EPHA4: variants seen among roughly 807,000 people sequenced by gnomAD.
EPHA4 encodes the protein EPH receptor A4.
In EPHA4, 19 loss-of-function variants were observed where a neutral mutation model predicts 108.3. That is an observed-to-expected ratio of 0.18 (90% CI 0.12 to 0.26). The LOEUF is 0.26. Among genes scored for constraint, EPHA4 ranks in the 10% least tolerant of loss-of-function variants. The probability of loss-of-function intolerance (pLI) is 1.00; values close to 1 mark genes in which losing one functional copy is unlikely to be tolerated. For missense variants in EPHA4, 917 were observed against 1,254.0 expected, an observed-to-expected ratio of 0.73 and a Z score of 4.06; for synonymous variants, 449 against 455.5, an observed-to-expected ratio of 0.99 and a Z score of 0.18.
In EPHA4 at chr2:221,555,542, T is replaced by C. The variant is rs1694280146; in HGVS notation, c.823+8189A>G. Among the ~76,000 whole-genome samples the C allele has an allele frequency of 2.0e-5, 3 of 152,200 alleles. No homozygotes were observed. The South Asian group carries it at 6.2e-4, about 32-fold the overall frequency. The stretch of plus-strand genomic sequence containing the variant: ...TTTCCCAGGAAAAAGAAATAGACCC[T>C]GAATATTCATAAAATGTTCATTTAG... On this transcript the variant is annotated intron_variant, in intron 3 of 17. Coordinates refer to ENST00000281821, the MANE Select transcript of EPHA4 (RefSeq NM_004438.5).
intron 3 of EPHA4, among the ~76,000 whole-genome samples, chr2:221,527,708 T>C (rs927295008): frequency 6.6e-6 from 1 of 152,344 alleles, no homozygotes; most frequent in African/African-American, 2.4e-5. Context: ...CTGGATCAGT[T>C]CTGAAGATAT....
rs548278031 is a variant in EPHA4, at chr2:221,425,525, C to CT, written c.*502dup. The CT allele has an allele frequency of 4.6e-5, 7 of 153,020 alleles. No homozygotes were observed. Among genetic ancestry groups the CT allele is most frequent in the South Asian group, 2.0e-4 (1 of 4,886 alleles). The allele number at this position is 153,020 out of a possible 1,614,324, so 9.5% of individuals were successfully genotyped here. ...TGAGCCACGTCGCTTTCTCCTAGGA[C>CT]TTTTTTTTCCCCCATGGTATGAACC... On this transcript the variant is annotated 3_prime_UTR_variant, in exon 17 of 18. Transcript: ENST00000281821.
At chr2:221,468,019 C>T (rs1355762897) in intron 5 of EPHA4, among the ~76,000 whole-genome samples, 1 of 151,992 alleles carries the variant, frequency 6.6e-6, no homozygotes, top group Non-Finnish European at 1.5e-5. Context: ...GCAACAACAA[C>T]AAAAAATAAA....
At chr2:221,471,777 T>C (rs1050567124) in intron 5 of EPHA4, among the ~76,000 whole-genome samples, 16 of 152,198 alleles carry the variant, frequency 1.1e-4, no homozygotes, top group African/African-American at 2.9e-4. Flanking sequence ...AAACACAGTG[T>C]ATGCTTCTTA....
chr2:221,488,123 A>G (rs1351885440), intron 4 of EPHA4, among the ~76,000 whole-genome samples: 1 of 152,164 alleles, frequency 6.6e-6, no homozygotes, highest in South Asian at 2.1e-4. Flanking sequence ...GCCATAGACA[A>G]TACCTTAACA....
At chr2:221,545,668 A>G (rs1378844815) in intron 3 of EPHA4, among the ~76,000 whole-genome samples, 1 of 152,144 alleles carries the variant, frequency 6.6e-6, no homozygotes, top group Non-Finnish European at 1.5e-5. Context: ...ACCATGCACC[A>G]ATAGATCAAG....
chr2:221,525,908 A>G (rs1400967137), intron 3 of EPHA4, among the ~76,000 whole-genome samples: 1 of 152,216 alleles, frequency 6.6e-6, no homozygotes, highest in Admixed American at 6.5e-5. Flanking sequence ...ACTCTCTATT[A>G]GATACTGTGT....
intron 5 of EPHA4, among the ~76,000 whole-genome samples, chr2:221,458,449 A>G (rs181859155): frequency 6.6e-4 from 100 of 152,336 alleles, no homozygotes; most frequent in Non-Finnish European, 3.2e-4. Flanking sequence ...ACAAGTCTTC[A>G]ATAAGTACTG....
At position 221,566,934 on chromosome 2, in the gene EPHA4, GAAGGA is replaced by G. The variant is rs1559297288; in HGVS notation, c.159+1779_159+1783del. ...AGAAGGAGAAGGAGAAGGAGAAGGAGAAGGAGAAGGAGAAGGAGAAGGGGAAGAGG... is the reference window on the plus strand; with the variant it reads ...AGAAGGAGAAGGAGAAGGAGAAGGAGGAAGGAGAAGGAGAAGGGGAAGAGG... On this transcript the variant is annotated intron_variant, in intron 2 of 17. Transcript: ENST00000281821. 6.8e-3 allele frequency among the ~76,000 whole-genome samples: 467 copies of G among 69,012 alleles called. 129 individuals are homozygous for G. The highest frequency in any genetic ancestry group is 0.019 in the African/African-American group (220 of 11,772). The allele number at this position is 69,012 out of a possible 152,430, so 45.3% of individuals were successfully genotyped here.
intron 1 of EPHA4, among the ~76,000 whole-genome samples, chr2:221,570,322 C>CG (rs1372002129): frequency 6.6e-6 from 1 of 150,902 alleles, no homozygotes; most frequent in Admixed American, 6.6e-5. Context: ...TTCTCCCCCC[C>CG]CCCCAAAAAA....
At chr2:221,509,584 T>C (rs1692762941) in intron 3 of EPHA4, among the ~76,000 whole-genome samples, 1 of 152,196 alleles carries the variant, frequency 6.6e-6, no homozygotes, top group South Asian at 2.1e-4. Context: ...GTAGGGGAGA[T>C]AGTAGATATG....
intron 3 of EPHA4, among the ~76,000 whole-genome samples, chr2:221,534,676 T>C (rs191664976): frequency 2.2e-4 from 34 of 152,314 alleles, no homozygotes; most frequent in Admixed American, 2.1e-3. Flanking sequence ...AACTTTTTGA[T>C]TGGTTCTTCT....
intron 3 of EPHA4, among the ~76,000 whole-genome samples, chr2:221,539,869 C>A (rs16862813): frequency 0.011 from 1,607 of 152,188 alleles, 19 homozygotes; most frequent in African/African-American, 0.03. Context: ...TTGGTACACT[C>A]ATTTATTGGC....
chr2:221,520,606 ATTATC>A (rs779345779), intron 3 of EPHA4, among the ~76,000 whole-genome samples: 10 of 151,804 alleles, frequency 6.6e-5, no homozygotes, highest in Admixed American at 4.6e-4. Flanking sequence ...GACAGTGCCT[ATTATC>A]TTATCTTAAA....
At chr2:221,492,572 T>A (rs557645247) in intron 4 of EPHA4, among the ~76,000 whole-genome samples, 1 of 152,320 alleles carries the variant, frequency 6.6e-6, no homozygotes, top group East Asian at 1.9e-4. Context: ...AGGTACTTTT[T>A]CCTTTTAGTA....
intron 4 of EPHA4, among the ~76,000 whole-genome samples, chr2:221,484,355 CTTTAT>C (rs1331710962): frequency 6.6e-6 from 1 of 152,128 alleles, no homozygotes; most frequent in African/African-American, 2.4e-5. Flanking sequence ...TTATTGAAGA[CTTTAT>C]TTTAACAAGG....
intron 3 of EPHA4, among the ~76,000 whole-genome samples, chr2:221,523,969 G>C (rs969948485): frequency 1.3e-5 from 2 of 152,168 alleles, no homozygotes; most frequent in Admixed American, 6.5e-5. Flanking sequence ...GATGGAAAAA[G>C]AGGGGAGTGG....
chr2:221,451,995 T>TA (rs540410014), intron 8 of EPHA4, among the ~76,000 whole-genome samples: 7 of 152,244 alleles, frequency 4.6e-5, no homozygotes, highest in Admixed American at 1.3e-4. Flanking sequence ...ACAATTGCTA[T>TA]AAAAAAAATC....
intron 2 of EPHA4, among the ~76,000 whole-genome samples, chr2:221,565,319 T>C (rs1694597463): frequency 6.6e-6 from 1 of 152,194 alleles, no homozygotes; most frequent in Non-Finnish European, 1.5e-5. Flanking sequence ...AAAGTTTCAC[T>C]GTCATTATAG....
Sources: allele counts gnomAD v4.1 joint callset (sites outside exome capture counted in the v4.1 genomes callset), GRCh38; gene constraint gnomAD v4.1.1; transcripts MANE v1.5; gene names NCBI Gene and HGNC (gene_info 2026-07-23, HGNC 2026-07-21).